The following ITPR2 variants were observed in gnomAD, a reference collection of about 807,000 sequenced individuals.
ITPR2 encodes the protein inositol 1,4,5-trisphosphate receptor type 2.
A neutral mutation model predicts 317.1 loss-of-function variants in ITPR2; 207 were observed. The ratio of observed to expected loss-of-function variants is 0.65; its 90% CI spans 0.58 to 0.73. ITPR2 has a LOEUF of 0.73. Ranked by LOEUF, ITPR2 falls within the 30% of genes least tolerant of loss-of-function variation. The pLI, the probability that ITPR2 is intolerant of heterozygous loss-of-function variation, is 0.00. For synonymous variants in ITPR2, 1,156 were observed against 1,149.1 expected (o/e 1.01, Z -0.12); for missense variants, 2,613 against 3,284.0 (o/e 0.80, Z 4.99).
rs36164391 is a variant in ITPR2 at position 26,492,895 on chromosome 12, A to ATG, written c.5370+1256_5370+1257dup. On this transcript the variant is annotated intron_variant, in intron 39 of 56. Coordinates refer to ENST00000381340, the MANE Select transcript of ITPR2 (RefSeq NM_002223.4). ...TATCCTGATTTGATCATTGCACGAT[A>ATG]TGTGTGTGTGTATGTGTGTGTGTGT... 2.7e-3 allele frequency among the ~76,000 whole-genome samples: 375 copies of ATG among 140,732 alleles called. 2 individuals are homozygous for ATG. Among genetic ancestry groups the ATG allele is most frequent in the African/African-American group, 5.4e-3 (206 of 37,854 alleles). The allele number at this position is 140,732 out of a possible 152,430, so 92.3% of individuals were successfully genotyped here.
intron 45 of ITPR2, among the ~76,000 whole-genome samples, chr12:26,469,941 T>C (rs1448003108): frequency 1.3e-5 from 2 of 152,172 alleles, no homozygotes; most frequent in African/African-American, 4.8e-5. Context: ...AGGCTTCTTT[T>C]GAAATATTGG....
At chr12:26,818,786 G>T (rs184878771) in intron 1 of ITPR2, among the ~76,000 whole-genome samples, 1 of 151,936 alleles carries the variant, frequency 6.6e-6, no homozygotes, top group Non-Finnish European at 1.5e-5. Flanking sequence ...AGATCTACCC[G>T]AAATGCAAAT....
chr12:26,556,180 G>C, intron 36 of ITPR2, 53 bp downstream of exon 36: 1 of 1,579,346 alleles, frequency 6.3e-7, no homozygotes. Flanking sequence ...GGAAATGTTA[G>C]AGGCCATGTC....
intron 2 of ITPR2, among the ~76,000 whole-genome samples, chr12:26,783,745 T>C (rs551114602): frequency 6.6e-6 from 1 of 152,272 alleles, no homozygotes; most frequent in African/African-American, 2.4e-5. Flanking sequence ...TATGAGGTAT[T>C]ATATGAGTAC....
intron 5 of ITPR2, among the ~76,000 whole-genome samples, chr12:26,721,808 T>C (rs1948844666): frequency 6.6e-6 from 1 of 152,032 alleles, no homozygotes; most frequent in Non-Finnish European, 1.5e-5. Flanking sequence ...AGAAACAAGG[T>C]CTTGCTATGT....
intron 37 of ITPR2, 94 bp downstream of exon 37, chr12:26,550,153 A>C (rs1944488053): frequency 3.6e-6 from 2 of 562,068 alleles, no homozygotes; most frequent in Non-Finnish European, 6.1e-6. Context: ...GATATAATGC[A>C]AGTAATCACG....
intron 55 of ITPR2, among the ~76,000 whole-genome samples, chr12:26,357,659 A>T (rs995053287): frequency 6.6e-6 from 1 of 152,266 alleles, no homozygotes; most frequent in Non-Finnish European, 1.5e-5. Context: ...GGCATCGGAC[A>T]TAGGGCAGTA....
At chr12:26,524,095 A>G (rs559218439) in intron 37 of ITPR2, among the ~76,000 whole-genome samples, 22 of 152,390 alleles carry the variant, frequency 1.4e-4, no homozygotes, top group African/African-American at 5.3e-4. Flanking sequence ...ACACAAGATT[A>G]TAACGGGATA....
intron 45 of ITPR2, among the ~76,000 whole-genome samples, chr12:26,454,330 G>A (rs1191347020): frequency 6.6e-6 from 1 of 151,928 alleles, no homozygotes; most frequent in African/African-American, 2.4e-5. Context: ...TCAGCCTCCT[G>A]AGTAGCTGAG....
intron 9 of ITPR2, among the ~76,000 whole-genome samples, chr12:26,696,084 G>C (rs536393453): frequency 6.6e-6 from 1 of 152,192 alleles, no homozygotes; most frequent in East Asian, 1.9e-4. Context: ...ACAAAACAGA[G>C]CAAAAAAGGA....
At chr12:26,778,014 G>C (rs1273976996) in intron 2 of ITPR2, among the ~76,000 whole-genome samples, 1 of 152,160 alleles carries the variant, frequency 6.6e-6, no homozygotes, top group Non-Finnish European at 1.5e-5. Flanking sequence ...TGGAGGTCAG[G>C]CAATTAGTGG....
chr12:26,348,628 C>T (rs1030062655), intron 55 of ITPR2, among the ~76,000 whole-genome samples: 1 of 152,198 alleles, frequency 6.6e-6, no homozygotes, highest in Admixed American at 6.5e-5. Context: ...CTAGAAAACA[C>T]AGTCTTGTTT....
At chr12:26,462,536 A>G (rs1942062818) in intron 45 of ITPR2, among the ~76,000 whole-genome samples, 1 of 152,038 alleles carries the variant, frequency 6.6e-6, no homozygotes, top group South Asian at 2.1e-4. Context: ...TTCATACATC[A>G]CTTTGATATT....
intron 32 of ITPR2, among the ~76,000 whole-genome samples, chr12:26,585,090 C>T (rs1375426364): frequency 6.6e-6 from 1 of 152,024 alleles, no homozygotes; most frequent in Admixed American, 6.6e-5. Flanking sequence ...ATTGTAGGAA[C>T]TCTGAAAAAT....
intron 21 of ITPR2, among the ~76,000 whole-genome samples, chr12:26,634,567 G>A (rs899452685): frequency 2.0e-5 from 3 of 152,208 alleles, no homozygotes; most frequent in African/African-American, 7.2e-5. Context: ...AAATATGGAA[G>A]TCATCTTTGC....
At chr12:26,528,794 T>C (rs765919545) in intron 37 of ITPR2, among the ~76,000 whole-genome samples, 11 of 152,242 alleles carry the variant, frequency 7.2e-5, no homozygotes, top group Non-Finnish European at 1.2e-4. Context: ...AATTCAGTTC[T>C]GTACTGAACC....
chr12:26,540,446 C>CT (rs999757601), intron 37 of ITPR2, among the ~76,000 whole-genome samples: 2 of 151,890 alleles, frequency 1.3e-5, no homozygotes, highest in Non-Finnish European at 2.9e-5. Flanking sequence ...TTCTCTTCTC[C>CT]TTTTTTTTCT....
chr12:26,711,070 G>T, intron 9 of ITPR2, 103 bp downstream of exon 9: 2 of 706,690 alleles, frequency 2.8e-6, no homozygotes, highest in Non-Finnish European at 2.5e-6. Context: ...TCAAATTTGT[G>T]TAATGACTGT....
In ITPR2 at chr12:26,663,842, A is replaced by G; in HGVS notation, c.1556T>C (p.Phe519Ser). 8 of 1,606,978 alleles carry G rather than the reference A, an allele frequency of 5.0e-6. No homozygotes were observed. The highest frequency in any genetic ancestry group is 6.8e-6 in the Non-Finnish European group (8 of 1,178,036). Residue 519 changes from phenylalanine to serine, a missense_variant, in exon 15 of 57, where the codon TTT (phenylalanine) becomes TCT (serine). Phe to Ser is a radical substitution (Grantham distance 155). This residue lies in a region of ITPR2 where 515 missense variants were observed against 789.4 expected (regional missense o/e 0.65). Coordinates refer to ENST00000381340, the MANE Select transcript of ITPR2 (RefSeq NM_002223.4). ...MREQNILAQV[F>S]GILKAPFKEK... is the part of the protein sequence containing the mutation. ...TTTAAAGGGTGCTTTAAGAATTCCA[A>G]ATACCTATCAGGAATAAAAACAGCC... is the stretch of plus-strand genomic sequence containing the variant.
Sources: gnomAD v4.1 joint callset for allele counts (sites outside exome capture counted in the v4.1 genomes callset) on GRCh38, gnomAD v4.1.1 for gene constraint, gnomAD v4.1.1 regional missense constraint, MANE v1.5 for transcripts, NCBI Gene and HGNC (gene_info 2026-07-23, HGNC 2026-07-21) for gene names.